The following RARB variants were observed in gnomAD, a reference collection of about 807,000 sequenced individuals.
RARB encodes HBV-activated protein.
A neutral mutation model predicts 51.9 loss-of-function variants in RARB; 17 were observed. The observed-to-expected ratio is 0.33, with a 90% confidence interval of 0.22 to 0.49. The LOEUF (loss-of-function observed/expected upper bound fraction) is 0.49. Ranked by LOEUF, RARB falls within the 20% of genes least tolerant of loss-of-function variation. RARB has a pLI of 0.99. For synonymous variants in RARB, 215 were observed against 195.4 expected, an observed-to-expected ratio of 1.10 and a Z score of -0.84; for missense variants, 369 against 550.8, an observed-to-expected ratio of 0.67 and a Z score of 3.30.
At chr3:24,943,802 G>C (rs1695719048) in intron 2 of RARB, among the ~76,000 whole-genome samples, 2 of 152,206 alleles carry the variant, frequency 1.3e-5, no homozygotes, top group African/African-American at 4.8e-5. Context: ...AGAATCTGCA[G>C]TCTTCTGTGC....
At chr3:25,472,913 C>T (rs1695767117) in intron 2 of RARB, among the ~76,000 whole-genome samples, 1 of 152,212 alleles carries the variant, frequency 6.6e-6, no homozygotes. Flanking sequence ...CTGCTGGAGA[C>T]TGACATATGT....
At chr3:25,181,231 T>C (rs1700853935) in intron 5 of RARB, among the ~76,000 whole-genome samples, 1 of 152,198 alleles carries the variant, frequency 6.6e-6, no homozygotes, top group African/African-American at 2.4e-5. Context: ...TCTTTGGCCC[T>C]TCAGGACCTA....
At chr3:25,260,202 T>C (rs1277100418) in intron 5 of RARB, among the ~76,000 whole-genome samples, 1 of 152,146 alleles carries the variant, frequency 6.6e-6, no homozygotes, top group Non-Finnish European at 1.5e-5. Flanking sequence ...TTAAGCCTGG[T>C]TGGAAGACAG....
intron 5 of RARB, among the ~76,000 whole-genome samples, chr3:25,241,882 G>T (rs1575248555): frequency 6.6e-6 from 1 of 152,264 alleles, no homozygotes; most frequent in Middle Eastern, 3.4e-3. Flanking sequence ...TTGAGGAATT[G>T]CCTCATTGTC....
chr3:24,850,381 A>AT (rs1359086606), intron 1 of RARB, among the ~76,000 whole-genome samples: 2 of 152,186 alleles, frequency 1.3e-5, no homozygotes, highest in African/African-American at 4.8e-5. Flanking sequence ...GAAATGACAC[A>AT]TATCACTTTA....
intron 2 of RARB, among the ~76,000 whole-genome samples, chr3:24,984,018 T>C (rs1696734313): frequency 1.3e-5 from 2 of 152,354 alleles, no homozygotes; most frequent in South Asian, 4.1e-4. Context: ...TAATTTAGGT[T>C]GTGATGAAAC....
intron 2 of RARB, among the ~76,000 whole-genome samples, chr3:25,031,203 G>A (rs1697867208): frequency 6.6e-6 from 1 of 152,126 alleles, no homozygotes; most frequent in African/African-American, 2.4e-5. Context: ...TTTTAGCAAT[G>A]TATCCTTGGG....
At chr3:25,306,971 C>T (rs796829345) in intron 5 of RARB, among the ~76,000 whole-genome samples, 2 of 152,078 alleles carry the variant, frequency 1.3e-5, no homozygotes, top group African/African-American at 4.8e-5. Flanking sequence ...AAGCTCCCCA[C>T]GCTAAGAGAG....
intron 2 of RARB, among the ~76,000 whole-genome samples, chr3:25,485,220 C>A (rs993606517): frequency 6.6e-6 from 1 of 152,160 alleles, no homozygotes; most frequent in Non-Finnish European, 1.5e-5. Context: ...CCTTATATAA[C>A]TCGTTTGGAA....
At chr3:25,423,081 T>C (rs1401271167) in intron 5 of RARB, among the ~76,000 whole-genome samples, 1 of 152,240 alleles carries the variant, frequency 6.6e-6, no homozygotes. Context: ...ATATTTCCAG[T>C]GGCCCCGTAC....
chr3:25,518,597 C>T (rs891955294), intron 3 of RARB, among the ~76,000 whole-genome samples: 1 of 152,080 alleles, frequency 6.6e-6, no homozygotes, highest in Non-Finnish European at 1.5e-5. Context: ...TAACGATGGG[C>T]ATGAAATTGA....
At chr3:25,590,861 A>G (rs1701585826) in intron 5 of RARB, among the ~76,000 whole-genome samples, 1 of 152,244 alleles carries the variant, frequency 6.6e-6, no homozygotes, top group Admixed American at 6.5e-5. Flanking sequence ...TTGAAGGAAC[A>G]TCAGGCTGGG....
At chr3:24,992,424 A>G (rs1196146305) in intron 2 of RARB, among the ~76,000 whole-genome samples, 1 of 152,080 alleles carries the variant, frequency 6.6e-6, no homozygotes, top group Non-Finnish European at 1.5e-5. Context: ...CTATTAAGTA[A>G]TAGAGGCTGA....
intron 2 of RARB, among the ~76,000 whole-genome samples, chr3:25,044,899 A>G (rs1370665178): frequency 2.0e-5 from 3 of 152,032 alleles, no homozygotes; most frequent in African/African-American, 7.2e-5. Flanking sequence ...ATTAATCTCC[A>G]TTGTTCTCAG....
At chr3:24,879,407 C>T (rs112606944) in intron 2 of RARB, among the ~76,000 whole-genome samples, 7 of 148,000 alleles carry the variant, frequency 4.7e-5, no homozygotes, top group South Asian at 2.1e-4. Context: ...CCAGCCTGGG[C>T]GACAGAGCAA....
intron 2 of RARB, among the ~76,000 whole-genome samples, chr3:24,959,411 C>G (rs1696090094): frequency 6.6e-6 from 1 of 152,184 alleles, no homozygotes; most frequent in Non-Finnish European, 1.5e-5. Context: ...AGCCATCCCT[C>G]TGGAGTCAAA....
intron 5 of RARB, among the ~76,000 whole-genome samples, chr3:25,186,977 T>C (rs1420733727): frequency 2.0e-5 from 3 of 148,644 alleles, no homozygotes; most frequent in African/African-American, 7.4e-5. Context: ...GCCAGTCATA[T>C]CAGTCACACG....
chr3:25,561,159 G>T (rs1475126737), intron 3 of RARB, among the ~76,000 whole-genome samples: 1 of 152,058 alleles, frequency 6.6e-6, no homozygotes, highest in Admixed American at 6.6e-5. Context: ...TTTGTCCATT[G>T]TTTCTTTCAT....
intron 5 of RARB, among the ~76,000 whole-genome samples, chr3:25,216,263 CT>C (rs1559509414): frequency 6.6e-6 from 1 of 152,108 alleles, no homozygotes; most frequent in African/African-American, 2.4e-5. Flanking sequence ...TAATTCATTT[CT>C]TATTTTTTTC....
Sources: allele counts gnomAD v4.1 joint callset (sites outside exome capture counted in the v4.1 genomes callset), GRCh38; gene constraint gnomAD v4.1.1; transcripts MANE v1.5; gene names NCBI Gene and HGNC (gene_info 2026-07-23, HGNC 2026-07-21).